Variants in IFT25 observed in about 807,000 individuals in gnomAD.
IFT25 encodes intraflagellar transport protein 25 homolog.
chr1:53,917,110 C>T, the IFT25 span: 12 of 179,366 alleles, frequency 6.7e-5, no homozygotes, highest in African/African-American at 2.8e-4. Context: ...CGCCATCCCA[C>T]TCCGGCCTGG....
At chr1:53,933,473 C>T in the IFT25 span, among the ~76,000 whole-genome samples, 2 of 152,178 alleles carry the variant, frequency 1.3e-5, no homozygotes, top group Non-Finnish European at 2.9e-5. Context: ...AACACTATAA[C>T]GTGTCCCCTT....
chr1:53,932,938 T>C, the IFT25 span, among the ~76,000 whole-genome samples: 1 of 152,328 alleles, frequency 6.6e-6, no homozygotes, highest in African/African-American at 2.4e-5. Context: ...GGTTATGACA[T>C]TATTCAGATC....
the IFT25 span, among the ~76,000 whole-genome samples, chr1:53,919,842 T>C: frequency 3.3e-5 from 5 of 151,542 alleles, no homozygotes; most frequent in African/African-American, 1.2e-4. Flanking sequence ...CAGGCTGGAG[T>C]GCAGTGGCAC....
the IFT25 span, among the ~76,000 whole-genome samples, chr1:53,924,383 T>C: frequency 6.6e-6 from 1 of 152,226 alleles, no homozygotes; most frequent in Non-Finnish European, 1.5e-5. Context: ...AAACTTTCAC[T>C]ATGATGCATA....
At chr1:53,912,952 A>G in the IFT25 span, among the ~76,000 whole-genome samples, 2 of 152,132 alleles carry the variant, frequency 1.3e-5, no homozygotes, top group African/African-American at 4.8e-5. Flanking sequence ...ACACTTTGAG[A>G]ACCGCTGCTA....
At chr1:53,934,941 G>C in the IFT25 span, among the ~76,000 whole-genome samples, 3 of 152,234 alleles carry the variant, frequency 2.0e-5, no homozygotes, top group Non-Finnish European at 4.4e-5. Context: ...AGAGGTTGCA[G>C]TGAGCTGAGA....
chr1:53,923,929 C>A, the IFT25 span: 1 of 1,595,174 alleles, frequency 6.3e-7, no homozygotes, highest in South Asian at 1.1e-5. Flanking sequence ...TTGAAGCTGC[C>A]CCTCTGTGTG....
chr1:53,917,977 G>A, the IFT25 span, among the ~76,000 whole-genome samples: 9 of 152,094 alleles, frequency 5.9e-5, no homozygotes, highest in Non-Finnish European at 1.0e-4. Context: ...TTATGCCACT[G>A]ACTTTTTGAA....
chr1:53,931,346 A>G, the IFT25 span, among the ~76,000 whole-genome samples: 1 of 152,258 alleles, frequency 6.6e-6, no homozygotes, highest in Non-Finnish European at 1.5e-5. Flanking sequence ...ATTTAACTTT[A>G]TAAGAAACTG....
At chr1:53,930,535 A>T in the IFT25 span, among the ~76,000 whole-genome samples, 1 of 151,852 alleles carries the variant, frequency 6.6e-6, no homozygotes, top group South Asian at 2.1e-4. Context: ...TTGCTTCTGT[A>T]CCTTAGTTCA....
At chr1:53,946,175 C>T in the IFT25 span, 1 of 152,256 alleles carries the variant, frequency 6.6e-6, no homozygotes, top group Admixed American at 6.5e-5. Flanking sequence ...TCAGCTCTAT[C>T]CCCGGGGCCC....
At chr1:53,917,189 AAT>A in the IFT25 span, 1 of 151,948 alleles carries the variant, frequency 6.6e-6, no homozygotes, top group East Asian at 1.9e-4. Flanking sequence ...AAAAAAAAAA[AAT>A]AAATAAAATT....
At chr1:53,944,337 C>A in the IFT25 span, among the ~76,000 whole-genome samples, 5 of 152,096 alleles carry the variant, frequency 3.3e-5, no homozygotes, top group African/African-American at 1.2e-4. Context: ...AACCCCAAAA[C>A]CCTCTCTACT....
chr1:53,939,980 C>G, the IFT25 span: 3 of 1,529,350 alleles, frequency 2.0e-6, no homozygotes, highest in Non-Finnish European at 2.7e-6. Context: ...TATAGTAACT[C>G]TTACCCATCA....
At chr1:53,916,710 C>T in the IFT25 span, 52,228 of 336,664 alleles carry the variant, frequency 0.16, 5,934 homozygotes, top group African/African-American at 0.41. Flanking sequence ...GTTTTAGTTT[C>T]ACTTTTTGCT....
At chr1:53,933,133 CTCTT>C in the IFT25 span, among the ~76,000 whole-genome samples, 17 of 143,852 alleles carry the variant, frequency 1.2e-4, no homozygotes, top group Non-Finnish European at 2.1e-4. Flanking sequence ...CTTCCTTTTT[CTCTT>C]TTTTTTTTTT....
chr1:53,936,063 C>T, the IFT25 span, among the ~76,000 whole-genome samples: 1 of 151,624 alleles, frequency 6.6e-6, no homozygotes, highest in African/African-American at 2.4e-5. Context: ...AGTTTGAAAC[C>T]AGCCTGGCCA....
the IFT25 span, chr1:53,929,930 T>C: frequency 6.4e-6 from 9 of 1,399,154 alleles, no homozygotes; most frequent in Middle Eastern, 5.2e-4. Context: ...AAAGTTTACA[T>C]ATATGCCTTC....
At chr1:53,940,846 A>G in the IFT25 span, among the ~76,000 whole-genome samples, 4 of 152,004 alleles carry the variant, frequency 2.6e-5, no homozygotes, top group Non-Finnish European at 4.4e-5. Flanking sequence ...AGTAGCTGAG[A>G]CTACAGGTAT....
Sources: gnomAD v4.1 joint callset for allele counts (sites outside exome capture counted in the v4.1 genomes callset) on GRCh38, gnomAD v4.1.1 for gene constraint, MANE v1.5 for transcripts, NCBI Gene and HGNC (gene_info 2026-07-23, HGNC 2026-07-21) for gene names.